Variants in DLG2 observed in about 807,000 individuals in gnomAD.
DLG2 encodes discs large MAGUK scaffold protein 2, also known as disks large homolog 2.
Under a neutral mutation model 132.5 loss-of-function variants are expected in DLG2, and 45 were observed. That is an observed-to-expected ratio of 0.34 (90% CI 0.27 to 0.44). The LOEUF (loss-of-function observed/expected upper bound fraction) is 0.44. DLG2 is among the 20% of genes least tolerant of loss of function. The pLI, the probability that DLG2 is intolerant of heterozygous loss-of-function variation, is 1.00. For synonymous variants in DLG2, 424 were observed against 419.6 expected (o/e 1.01, Z -0.13); for missense variants, 1,045 against 1,196.9 (o/e 0.87, Z 1.87).
chr11:84,729,935 CA>C (rs2153810186), intron 6 of DLG2, among the ~76,000 whole-genome samples: 1 of 152,050 alleles, frequency 6.6e-6, no homozygotes, highest in South Asian at 2.1e-4. Context: ...TCAATTTTGA[CA>C]TTTTGTTTTA....
At chr11:85,388,560 A>C (rs2086539123) in intron 3 of DLG2, among the ~76,000 whole-genome samples, 1 of 152,102 alleles carries the variant, frequency 6.6e-6, no homozygotes, top group Non-Finnish European at 1.5e-5. Context: ...AGAGCACTTA[A>C]AAAAGACACA....
chr11:83,486,358 A>AT, intron 21 of DLG2: 1 of 575,170 alleles, frequency 1.7e-6, no homozygotes, highest in East Asian at 3.0e-5. Flanking sequence ...ATGCAAAAAA[A>AT]AAAAATTACA....
At chr11:84,781,929 G>T (rs1029570423) in intron 6 of DLG2, among the ~76,000 whole-genome samples, 16 of 152,070 alleles carry the variant, frequency 1.1e-4, no homozygotes, top group African/African-American at 3.9e-4. Flanking sequence ...ATGGAGGACA[G>T]ACCTAGGATG....
chr11:85,408,642 CG>C (rs1428401283), intron 3 of DLG2, among the ~76,000 whole-genome samples: 2 of 148,682 alleles, frequency 1.3e-5, no homozygotes, highest in East Asian at 4.0e-4. Context: ...TGAGAACATG[CG>C]GTGTTTGGTT....
chr11:84,667,373 T>C (rs2099700742), intron 6 of DLG2, among the ~76,000 whole-genome samples: 1 of 151,390 alleles, frequency 6.6e-6, no homozygotes, highest in African/African-American at 2.4e-5. Context: ...AAAAATACAC[T>C]AAAGGTAAAA....
At chr11:84,047,145 C>T (rs2096257876) in intron 11 of DLG2, among the ~76,000 whole-genome samples, 1 of 151,530 alleles carries the variant, frequency 6.6e-6, no homozygotes, top group Admixed American at 6.6e-5. Flanking sequence ...AGGTAAATGC[C>T]AGTCTTCTAA....
intron 7 of DLG2, among the ~76,000 whole-genome samples, chr11:84,422,044 A>C (rs748486192): frequency 6.6e-6 from 1 of 152,210 alleles, no homozygotes; most frequent in African/African-American, 2.4e-5. Flanking sequence ...TTGTCATGCT[A>C]TATGGTCGTC....
chr11:83,647,691 A>T (rs1050645566), intron 18 of DLG2: 2 of 152,090 alleles, frequency 1.3e-5, no homozygotes, highest in Admixed American at 1.3e-4. Context: ...TATATCTTAC[A>T]TGTGTTGTCT....
intron 3 of DLG2, among the ~76,000 whole-genome samples, chr11:85,572,712 G>C (rs961768271): frequency 2.0e-5 from 3 of 152,168 alleles, no homozygotes; most frequent in South Asian, 2.1e-4. Flanking sequence ...TTTGAACCAA[G>C]TAACTGAGAA....
intron 5 of DLG2, among the ~76,000 whole-genome samples, chr11:85,124,772 G>A (rs1251939632): frequency 6.6e-6 from 1 of 151,968 alleles, no homozygotes; most frequent in East Asian, 1.9e-4. Flanking sequence ...GGGCAGTGAT[G>A]AATTCTTTTT....
chr11:84,832,458 T>C (rs2079164950), intron 6 of DLG2, among the ~76,000 whole-genome samples: 1 of 151,608 alleles, frequency 6.6e-6, no homozygotes, highest in Admixed American at 6.6e-5. Flanking sequence ...AAAAGGTTAG[T>C]AACTTAACTA....
intron 4 of DLG2, among the ~76,000 whole-genome samples, chr11:85,229,462 AT>A (rs1423546286): frequency 2.6e-5 from 4 of 152,172 alleles, no homozygotes; most frequent in Non-Finnish European, 5.9e-5. Context: ...ACCAGTTAGA[AT>A]GACGATCATT....
chr11:83,491,307 G>A (rs1408138526), intron 21 of DLG2, among the ~76,000 whole-genome samples: 1 of 151,946 alleles, frequency 6.6e-6, no homozygotes, highest in African/African-American at 2.4e-5. Context: ...TTGTAGCCTA[G>A]TGAAGGCTGA....
At chr11:84,345,481 A>G (rs141602248) in intron 7 of DLG2, among the ~76,000 whole-genome samples, 129 of 152,330 alleles carry the variant, frequency 8.5e-4, no homozygotes, top group African/African-American at 2.9e-3. Flanking sequence ...ATTTTGCAAC[A>G]GGTTACAGAA....
At chr11:84,327,936 G>A (rs749096633) in intron 7 of DLG2, among the ~76,000 whole-genome samples, 1 of 152,150 alleles carries the variant, frequency 6.6e-6, no homozygotes, top group Non-Finnish European at 1.5e-5. Context: ...TTATTCAATT[G>A]TATTGATTTA....
intron 6 of DLG2, among the ~76,000 whole-genome samples, chr11:84,739,505 A>G (rs2064305529): frequency 6.6e-6 from 1 of 152,208 alleles, no homozygotes; most frequent in Admixed American, 6.5e-5. Flanking sequence ...TGAGCACTTT[A>G]CCTGAGTTTT....
chr11:84,420,629 A>ACAGTG (rs988072537), intron 7 of DLG2, among the ~76,000 whole-genome samples: 5 of 138,884 alleles, frequency 3.6e-5, no homozygotes, highest in Non-Finnish European at 7.7e-5. Context: ...CTGCCTCAGC[A>ACAGTG]CAGTGACCAA....
At position 83,459,714 on chromosome 11, in the gene DLG2, A is replaced by G; in HGVS notation, c.*104T>C. ...TTCGTAAGAATTCACATTGACTGCAAAAACATAAATGCAACAAAAACATAA... is the reference window on the plus strand; with the variant it reads ...TTCGTAAGAATTCACATTGACTGCAGAAACATAAATGCAACAAAAACATAA... On this transcript the variant is annotated 3_prime_UTR_variant, in exon 28 of 28. Transcript: ENST00000376104. The G allele has an allele frequency of 1.5e-6, 1 of 658,432 alleles. No homozygotes were observed. Among genetic ancestry groups the G allele is most frequent in the Non-Finnish European group, 2.7e-6 (1 of 370,216 alleles). The allele number at this position is 658,432 out of a possible 1,614,324, so 40.8% of individuals were successfully genotyped here.
chr11:83,789,885 A>G, intron 17 of DLG2: 1 of 634,532 alleles, frequency 1.6e-6, no homozygotes, highest in Non-Finnish European at 2.4e-6. Context: ...GCAGCAAAAG[A>G]TTTTGATGGC....
Sources: allele counts gnomAD v4.1 joint callset (sites outside exome capture counted in the v4.1 genomes callset), GRCh38; gene constraint gnomAD v4.1.1; transcripts MANE v1.5; gene names NCBI Gene and HGNC (gene_info 2026-07-23, HGNC 2026-07-21).